Variants in ATP8A2 observed in about 807,000 individuals in gnomAD.
ATP8A2 encodes phospholipid-transporting ATPase IB.
A neutral mutation model predicts 165.6 loss-of-function variants in ATP8A2; 100 were observed. That is an observed-to-expected ratio of 0.60 (90% CI 0.51 to 0.71). The LOEUF is 0.71. ATP8A2 is among the 30% of genes least tolerant of loss of function. ATP8A2 has a pLI of 0.00. For synonymous variants in ATP8A2, 543 were observed against 548.8 expected (o/e 0.99, Z 0.15); for missense variants, 1,227 against 1,479.5 (o/e 0.83, Z 2.80).
intron 27 of ATP8A2, among the ~76,000 whole-genome samples, chr13:25,813,222 TA>T (rs547915698): frequency 3.3e-4 from 49 of 147,384 alleles, no homozygotes; most frequent in Middle Eastern, 3.5e-3. Flanking sequence ...AAAATAAAAT[TA>T]AAAAAAAAAG....
intron 24 of ATP8A2, among the ~76,000 whole-genome samples, chr13:25,645,006 C>A (rs2137591201): frequency 6.6e-6 from 1 of 152,196 alleles, no homozygotes; most frequent in East Asian, 1.9e-4. Flanking sequence ...AAATCCAACT[C>A]TTAGTTTTGT....
intron 34 of ATP8A2, among the ~76,000 whole-genome samples, chr13:25,966,372 C>T (rs180688697): frequency 3.9e-5 from 6 of 152,284 alleles, no homozygotes; most frequent in Admixed American, 3.9e-4. Context: ...GACTTTATAA[C>T]CTATAAATAT....
intron 21 of ATP8A2, among the ~76,000 whole-genome samples, chr13:25,579,246 C>T (rs1226547076): frequency 6.6e-6 from 1 of 152,172 alleles, no homozygotes; most frequent in African/African-American, 2.4e-5. Flanking sequence ...TCATGGAACC[C>T]ATAGTGAGCA....
chr13:25,377,925 C>T (rs554777081), intron 1 of ATP8A2, among the ~76,000 whole-genome samples: 1 of 152,226 alleles, frequency 6.6e-6, no homozygotes, highest in African/African-American at 2.4e-5. Flanking sequence ...TCGAGACCAG[C>T]CTGTACAACA....
At chr13:25,897,234 A>G (rs1344538123) in intron 33 of ATP8A2, among the ~76,000 whole-genome samples, 1 of 152,162 alleles carries the variant, frequency 6.6e-6, no homozygotes, top group Admixed American at 6.5e-5. Flanking sequence ...GCCTGGTGTG[A>G]CAAAATCTCT....
chr13:25,651,365 C>T (rs927548464), intron 24 of ATP8A2, among the ~76,000 whole-genome samples: 1 of 151,992 alleles, frequency 6.6e-6, no homozygotes, highest in Non-Finnish European at 1.5e-5. Context: ...ATCACTTGAA[C>T]TCGGGAGGCA....
rs557673247 is a variant in ATP8A2 at position 25,678,331 on chromosome 13, G to A, written c.2212-20842G>A. Among the ~76,000 whole-genome samples, 5 of 152,286 alleles carry A rather than the reference G, an allele frequency of 3.3e-5. No individual in the cohort carries two copies. In the South Asian group the frequency reaches 8.3e-4, roughly 25 times the overall value. Reference sequence around the variant, plus strand: ...AGGCAGATAATAGGCTGGGGAGAAGGGTAGAGGCACTTAGTGACAGGCTGG... The same window carrying A: ...AGGCAGATAATAGGCTGGGGAGAAGAGTAGAGGCACTTAGTGACAGGCTGG... On this transcript the variant is annotated intron_variant, in intron 24 of 36. Transcript: ENST00000381655.
intron 1 of ATP8A2, among the ~76,000 whole-genome samples, chr13:25,455,648 T>C (rs2035346276): frequency 6.6e-6 from 1 of 152,194 alleles, no homozygotes; most frequent in African/African-American, 2.4e-5. Flanking sequence ...GTGCCAAGAA[T>C]GCCAGGCCTC....
Position 25,564,031 on chromosome 13 carries a change from T to C in ATP8A2, c.1473T>C (p.His491=). The stretch of plus-strand genomic sequence containing the variant: ...TGTTGAAGAACATTGAGGATCGCCA[T>C]GTAAGTGCTCTGTTTTACTTCGAAG... ...PRLLKNIEDR[H]PTAPCIQEFL... is the part of the protein sequence containing the mutation. The change falls in exon 16 of 37, where the codon CAT becomes CAC. Residue 491 remains histidine, a splice_region_variant and synonymous_variant. Coordinates refer to ENST00000381655, the MANE Select transcript of ATP8A2 (RefSeq NM_016529.6). The C allele has an allele frequency of 1.9e-6, 3 of 1,608,970 alleles. No individual in the cohort carries two copies. The highest frequency in any genetic ancestry group is 2.2e-5 in the East Asian group (1 of 44,840).
intron 35 of ATP8A2, among the ~76,000 whole-genome samples, chr13:25,997,707 G>A (rs1309049909): frequency 3.3e-5 from 5 of 152,100 alleles, no homozygotes; most frequent in African/African-American, 1.2e-4. Context: ...CCTGCATTCT[G>A]CTGTTGAGCC....
At chr13:25,730,938 G>A (rs1176194096) in intron 25 of ATP8A2, among the ~76,000 whole-genome samples, 2 of 151,888 alleles carry the variant, frequency 1.3e-5, no homozygotes, top group East Asian at 3.9e-4. Context: ...AGCCAGGTTG[G>A]CGGCACATAC....
At chr13:25,689,919 A>G (rs1170142423) in intron 24 of ATP8A2, among the ~76,000 whole-genome samples, 2 of 152,220 alleles carry the variant, frequency 1.3e-5, no homozygotes, top group Admixed American at 6.5e-5. Flanking sequence ...AAAAAATTAC[A>G]AAAAGAATCC....
chr13:25,394,273 A>T (rs11839626), intron 1 of ATP8A2, among the ~76,000 whole-genome samples: 2,005 of 152,302 alleles, frequency 0.013, 48 homozygotes, highest in African/African-American at 0.046. Flanking sequence ...GTGGAAGGAG[A>T]GCTCATTACT....
At chr13:25,474,018 A>G (rs2035921622) in intron 2 of ATP8A2, among the ~76,000 whole-genome samples, 1 of 152,224 alleles carries the variant, frequency 6.6e-6, no homozygotes. Context: ...CAAAGCCATA[A>G]GGCAGTTTTC....
intron 1 of ATP8A2, among the ~76,000 whole-genome samples, chr13:25,375,253 G>T (rs1371038896): frequency 6.6e-6 from 1 of 152,230 alleles, no homozygotes; most frequent in Non-Finnish European, 1.5e-5. Context: ...AGGTGCTAGA[G>T]ACAGAGCAGG....
intron 25 of ATP8A2, among the ~76,000 whole-genome samples, chr13:25,735,539 G>A (rs991090263): frequency 1.3e-5 from 2 of 151,890 alleles, no homozygotes; most frequent in Non-Finnish European, 2.9e-5. Context: ...GGGATTATAG[G>A]CGTGAACCTC....
At chr13:25,576,386 C>T (rs1247391188) in intron 19 of ATP8A2, among the ~76,000 whole-genome samples, 1 of 151,982 alleles carries the variant, frequency 6.6e-6, no homozygotes, top group East Asian at 1.9e-4. Context: ...AATGGTGAGT[C>T]CCGTGTGTGC....
At chr13:25,823,248 A>G (rs775291943) in intron 27 of ATP8A2, among the ~76,000 whole-genome samples, 2 of 152,104 alleles carry the variant, frequency 1.3e-5, no homozygotes, top group Non-Finnish European at 2.9e-5. Context: ...TATGTAGCAT[A>G]TATTTTGGAT....
intron 25 of ATP8A2, among the ~76,000 whole-genome samples, chr13:25,754,672 A>AG (rs2044223779): frequency 6.6e-6 from 1 of 152,176 alleles, no homozygotes; most frequent in African/African-American, 2.4e-5. Context: ...TCAAATATAA[A>AG]GCAAAAAATC....
Sources: gnomAD v4.1 joint callset for allele counts (sites outside exome capture counted in the v4.1 genomes callset) on GRCh38, gnomAD v4.1.1 for gene constraint, MANE v1.5 for transcripts, NCBI Gene and HGNC (gene_info 2026-07-23, HGNC 2026-07-21) for gene names.